Variants in CMIP observed in about 807,000 individuals in gnomAD.
CMIP encodes the protein C-Maf-inducing protein.
In CMIP, 13 loss-of-function variants were observed where a neutral mutation model predicts 97.3. The ratio of observed to expected loss-of-function variants is 0.13; its 90% CI spans 0.09 to 0.21. The LOEUF is 0.21. CMIP is among the 10% of genes least tolerant of loss of function. The probability of loss-of-function intolerance (pLI) is 1.00; values close to 1 mark genes in which losing one functional copy is unlikely to be tolerated. For missense variants in CMIP, 847 were observed against 1,024.9 expected (o/e 0.83, Z 2.37); for synonymous variants, 538 against 436.3 (o/e 1.23, Z -2.91).
At chr16:81,687,962 C>T (rs139061041) in intron 10 of CMIP, among the ~76,000 whole-genome samples, 1 of 152,388 alleles carries the variant, frequency 6.6e-6, no homozygotes, top group East Asian at 1.9e-4. Flanking sequence ...ACACAGGGTC[C>T]TCTGGGTAGA....
At chr16:81,653,867 C>T (rs1433670878) in intron 4 of CMIP, among the ~76,000 whole-genome samples, 1 of 152,226 alleles carries the variant, frequency 6.6e-6, no homozygotes, top group Non-Finnish European at 1.5e-5. Context: ...TCTGCCTTGG[C>T]CTCCCAAAGT....
intron 1 of CMIP, among the ~76,000 whole-genome samples, chr16:81,593,359 T>C (rs185786953): frequency 6.6e-6 from 1 of 151,824 alleles, no homozygotes; most frequent in African/African-American, 2.4e-5. Flanking sequence ...AGAGGTGGTG[T>C]TGTGCCTAGC....
intron 1 of CMIP, among the ~76,000 whole-genome samples, chr16:81,499,550 C>T (rs904725565): frequency 9.8e-5 from 15 of 152,356 alleles, no homozygotes; most frequent in African/African-American, 3.4e-4. Flanking sequence ...CCTGTCCCGG[C>T]GCCCATGTAG....
At chr16:81,644,190 C>T (rs375276762) in intron 3 of CMIP, among the ~76,000 whole-genome samples, 1 of 152,234 alleles carries the variant, frequency 6.6e-6, no homozygotes, top group Admixed American at 6.5e-5. Context: ...TTATTTTATA[C>T]TCCACAATTA....
chr16:81,682,024 G>A (rs1281267617), intron 10 of CMIP, among the ~76,000 whole-genome samples: 2 of 151,784 alleles, frequency 1.3e-5, no homozygotes, highest in Admixed American at 6.6e-5. Flanking sequence ...CCAACGTGAC[G>A]AAATCCTGTT....
chr16:81,663,686 G>T (rs1231271887), intron 6 of CMIP, among the ~76,000 whole-genome samples: 1 of 152,302 alleles, frequency 6.6e-6, no homozygotes, highest in Admixed American at 6.5e-5. Flanking sequence ...ATATCCCACA[G>T]GGTATACGTG....
At chr16:81,572,232 C>G (rs1230544451) in intron 1 of CMIP, among the ~76,000 whole-genome samples, 1 of 152,246 alleles carries the variant, frequency 6.6e-6, no homozygotes, top group Non-Finnish European at 1.5e-5. Context: ...GCCTCAGACT[C>G]CATTTCTCAT....
intron 1 of CMIP, among the ~76,000 whole-genome samples, chr16:81,480,093 CT>C (rs1908167711): frequency 6.6e-6 from 1 of 152,218 alleles, no homozygotes; most frequent in South Asian, 2.1e-4. Flanking sequence ...GGGCCATAGC[CT>C]TTTCCGAGCG....
chr16:81,648,784 GAAAAAAAAAAAAAAAA>G lies in CMIP; in HGVS notation c.478-3398_478-3383del, dbSNP rs6145916. Among the ~76,000 whole-genome samples the G allele has an allele frequency of 3.7e-3, 277 of 75,718 alleles. 3 individuals carry two copies. Among genetic ancestry groups the G allele is most frequent in the East Asian group, 0.015 (35 of 2,352 alleles). The allele number at this position is 75,718 out of a possible 152,430, so 49.7% of individuals were successfully genotyped here. A position where few individuals can be genotyped will look rare whatever the true frequency, so the allele number is the denominator to read the frequency against. ...AGTGACAGAGCAAGACTCTGTCTCA[GAAAAAAAAAAAAAAAA>G]AAAAAAAAAAAAAAAAAAAAGCCCT... On this transcript the variant is annotated intron_variant, in intron 3 of 20. Coordinates refer to ENST00000537098, the MANE Select transcript of CMIP (RefSeq NM_198390.3).
rs1037722934 is a variant in CMIP, at chr16:81,640,265, A to G, written c.478-11938A>G. 4.0e-5 allele frequency among the ~76,000 whole-genome samples: 6 copies of G among 150,672 alleles called. No individual in the cohort carries two copies. In the East Asian group the frequency reaches 1.2e-3, roughly 30 times the overall value. ...CAGTGTTTCTGTCCCCTGCTGCAGC[A>G]AGAGCAGGATAGGACATCAGGCCCC... On this transcript the variant is annotated intron_variant, in intron 3 of 20. Transcript: ENST00000537098.
rs1018114680 is a variant in CMIP, at chr16:81,627,659, A to G, written c.477+6733A>G. On this transcript the variant is annotated intron_variant, in intron 3 of 20. Transcript: ENST00000537098. The surrounding 1 kb of genome is among the most constrained non-coding windows in gnomAD (Gnocchi z 4.6). ...TGCCCCTGTGCTCCTGAGTCCGGAA[A>G]CAGTTCTGTGGGGTCCACATCCCTC... 2.6e-5 allele frequency among the ~76,000 whole-genome samples: 4 copies of G among 152,068 alleles called. No individual in the cohort carries two copies. Among genetic ancestry groups the G allele is most frequent in the African/African-American group, 4.8e-5 (2 of 41,384 alleles).
At chr16:81,648,784 GAAAAAAAAA>G (rs6145916) in intron 3 of CMIP, among the ~76,000 whole-genome samples, 21 of 75,736 alleles carry the variant, frequency 2.8e-4, no homozygotes, top group Admixed American at 7.7e-4. Context: ...CTCTGTCTCA[GAAAAAAAAA>G]AAAAAAAAAA....
intron 1 of CMIP, among the ~76,000 whole-genome samples, chr16:81,586,831 A>C (rs1367918729): frequency 2.0e-5 from 3 of 152,192 alleles, no homozygotes; most frequent in African/African-American, 7.2e-5. Flanking sequence ...GGACTATGTC[A>C]CACAGATGTT....
At chr16:81,600,153 A>G (rs1408131020) in intron 1 of CMIP, among the ~76,000 whole-genome samples, 1 of 151,458 alleles carries the variant, frequency 6.6e-6, no homozygotes, top group Non-Finnish European at 1.5e-5. Context: ...GTGGTGGGTG[A>G]CTGTAATCCC....
chr16:81,696,128 G>GGACAGAGAACCA, intron 13 of CMIP: 1 of 247,306 alleles, frequency 4.0e-6, no homozygotes, highest in South Asian at 4.2e-5. Flanking sequence ...AGAGAGAGGA[G>GGACAGAGAACCA]GACAGAGAAC....
intron 1 of CMIP, among the ~76,000 whole-genome samples, chr16:81,579,111 C>T (rs544416077): frequency 1.2e-4 from 18 of 152,356 alleles, no homozygotes; most frequent in African/African-American, 4.1e-4. Context: ...ACCCTCGCCT[C>T]TCTGTGCCTC....
chr16:81,604,129 C>A (rs900235147), intron 1 of CMIP, among the ~76,000 whole-genome samples: 1 of 152,148 alleles, frequency 6.6e-6, no homozygotes, highest in Non-Finnish European at 1.5e-5. Context: ...TGTGGTGGCT[C>A]ACGCCTGTAA....
At chr16:81,679,456 C>A (rs967526370) in intron 10 of CMIP, among the ~76,000 whole-genome samples, 1 of 152,060 alleles carries the variant, frequency 6.6e-6, no homozygotes, top group Non-Finnish European at 1.5e-5. Context: ...GTGAGCCATG[C>A]ATGCCGTGTG....
At chr16:81,653,210 C>T (rs1351847925) in intron 4 of CMIP, among the ~76,000 whole-genome samples, 1 of 152,206 alleles carries the variant, frequency 6.6e-6, no homozygotes, top group Non-Finnish European at 1.5e-5. Flanking sequence ...AGCCACCAGA[C>T]TGATGCTTCT....
Sources: allele counts gnomAD v4.1 joint callset (sites outside exome capture counted in the v4.1 genomes callset), GRCh38; gene constraint gnomAD v4.1.1; non-coding constraint Gnocchi (gnomAD v3.1); transcripts MANE v1.5; gene names NCBI Gene and HGNC (gene_info 2026-07-23, HGNC 2026-07-21).